Variants in SEMA3A observed in about 807,000 individuals in gnomAD.
SEMA3A encodes the protein semaphorin 3A, also known as semaphorin-3A.
A neutral mutation model predicts 97.9 loss-of-function variants in SEMA3A; 29 were observed. The observed-to-expected ratio is 0.30, with a 90% CI of 0.22 to 0.40. SEMA3A has a LOEUF of 0.40. Ranked by LOEUF, SEMA3A falls within the 10% of genes least tolerant of loss-of-function variation. The pLI, the probability that SEMA3A is intolerant of heterozygous loss-of-function variation, is 1.00. For missense variants in SEMA3A, 763 were observed against 951.3 expected (o/e 0.80, Z 2.60); for synonymous variants, 321 against 323.7 (o/e 0.99, Z 0.09).
chr7:84,467,659 G>A (rs145587675), intron 1 of SEMA3A, among the ~76,000 whole-genome samples: 156 of 150,740 alleles, frequency 1.0e-3, no homozygotes, highest in Middle Eastern at 3.5e-3. Context: ...CTATTTTCCC[G>A]TTTTCAATGC....
At chr7:84,118,868 G>A (rs1339077891) in intron 3 of SEMA3A, among the ~76,000 whole-genome samples, 1 of 151,522 alleles carries the variant, frequency 6.6e-6, no homozygotes, top group Non-Finnish European at 1.5e-5. Flanking sequence ...ATTGTATAAG[G>A]TCTAATTCCC....
chr7:84,018,655 C>T (rs976018056), intron 6 of SEMA3A, among the ~76,000 whole-genome samples: 2 of 152,106 alleles, frequency 1.3e-5, no homozygotes, highest in African/African-American at 4.8e-5. Flanking sequence ...AGAAACATCT[C>T]AGGTGAAGGA....
chr7:84,055,660 G>A (rs1462561013), intron 5 of SEMA3A, among the ~76,000 whole-genome samples: 5 of 152,140 alleles, frequency 3.3e-5, no homozygotes, highest in Non-Finnish European at 5.9e-5. Context: ...GAAATCACCC[G>A]TCTTCTGCGT....
chr7:83,988,400 TG>T (rs982617160), intron 12 of SEMA3A, among the ~76,000 whole-genome samples: 19 of 152,068 alleles, frequency 1.2e-4, no homozygotes, highest in African/African-American at 4.3e-4. Context: ...CTAATTTTTT[TG>T]TATTTTTAGT....
intron 3 of SEMA3A, among the ~76,000 whole-genome samples, chr7:84,276,457 T>C (rs1800299776): frequency 6.6e-6 from 1 of 152,076 alleles, no homozygotes. Context: ...GTTAATTAAG[T>C]CTTTGATGGC....
chr7:84,402,203 T>C lies in SEMA3A; in HGVS notation c.-245-30303A>G, dbSNP rs1307281129. On this transcript the variant is annotated intron_variant, in intron 1 of 3. Transcript: ENST00000424555. ...AATTTAAAAATAAAAAAGGCCTGGA[T>C]AGACATTTCTTAAAATCGACACCAC... 2.6e-5 allele frequency among the ~76,000 whole-genome samples: 4 copies of C among 152,202 alleles called. No individual in the cohort carries two copies. In the East Asian group the frequency reaches 5.8e-4, roughly 22 times the overall value.
rs1323227641 is a variant in SEMA3A at position 84,010,717 on chromosome 7, TATA to T, written c.995+302_995+304del. Among the ~76,000 whole-genome samples, 11 of 118,220 alleles carry T rather than the reference TATA, an allele frequency of 9.3e-5. No homozygotes were observed. In the South Asian group the frequency reaches 2.1e-3, roughly 23 times the overall value. The allele number at this position is 118,220 out of a possible 152,430, so 77.6% of individuals were successfully genotyped here. On this transcript the variant is annotated intron_variant, in intron 9 of 16. Transcript: ENST00000265362. ...TTCCCAAAACTCAGACTTCCATCTG[TATA>T]ATATTTTACATTATTATAATAATGT...
rs1482502107 is a variant in SEMA3A at position 84,121,926 on chromosome 7, A to C, written c.333+7197T>G. Among the ~76,000 whole-genome samples, 2 of 21,400 alleles carry C rather than the reference A, an allele frequency of 9.3e-5. 1 individual carries two copies. The highest frequency in any genetic ancestry group is 1.9e-4 in the Non-Finnish European group (2 of 10,612). 14.0% of individuals were successfully genotyped at this position (21,400 alleles called of 152,430 possible). The stretch of plus-strand genomic sequence containing the variant: ...AGTGCTGGGATTACAGGCGTGAGCC[A>C]CCGCGCCCGGCCGGTTCCAAGTCTT... On this transcript the variant is annotated intron_variant, in intron 3 of 16. Transcript: ENST00000265362.
intron 3 of SEMA3A, among the ~76,000 whole-genome samples, chr7:84,216,398 C>A (rs764461816): frequency 1.3e-5 from 2 of 152,170 alleles, no homozygotes; most frequent in African/African-American, 2.4e-5. Flanking sequence ...AGGTATGTCA[C>A]CTGGCCTCAG....
chr7:84,340,044 G>A (rs761080018), intron 2 of SEMA3A, among the ~76,000 whole-genome samples: 1 of 152,052 alleles, frequency 6.6e-6, no homozygotes, highest in Non-Finnish European at 1.5e-5. Flanking sequence ...ATGAATTTTA[G>A]CTTTGCCCAA....
chr7:84,194,421 AGG>A (rs67227861), intron 1 of SEMA3A, 52 bp downstream of exon 1: 91 of 1,138,250 alleles, frequency 8.0e-5, no homozygotes, highest in Non-Finnish European at 9.8e-5. Context: ...CAAGGAATTA[AGG>A]GGGGGGGCGG....
chr7:84,332,674 TACAC>T (rs3048014), intron 2 of SEMA3A, among the ~76,000 whole-genome samples: 40,879 of 149,882 alleles, frequency 0.27, 7,229 homozygotes, highest in African/African-American at 0.51. Context: ...TGTGTGTGTA[TACAC>T]ACACACACAC....
intron 1 of SEMA3A, among the ~76,000 whole-genome samples, chr7:84,436,143 A>T (rs867599286): frequency 6.6e-6 from 1 of 152,186 alleles, no homozygotes; most frequent in Middle Eastern, 3.4e-3. Context: ...GAATATTGAA[A>T]CTGGACCCCT....
In SEMA3A at chr7:84,174,253, A is replaced by T. The variant is rs900782895; in HGVS notation, c.112+20222T>A. Among the ~76,000 whole-genome samples, 20 of 152,294 alleles carry T rather than the reference A, an allele frequency of 1.3e-4. No individual in the cohort carries two copies. In the South Asian group the frequency reaches 3.1e-3, roughly 24 times the overall value. On this transcript the variant is annotated intron_variant, in intron 1 of 16. Coordinates refer to ENST00000265362, the MANE Select transcript of SEMA3A (RefSeq NM_006080.3). ...CTGTGGACAAATTATCTTCCATGAA[A>T]TGGGTCCCTGGTGCCAAAAAGGTTG...
rs1242428854 is a variant in SEMA3A, at chr7:84,329,921, C to T, written c.-168-22629G>A. On this transcript the variant is annotated intron_variant, in intron 2 of 3. Transcript: ENST00000424555. Reference sequence around the variant, plus strand: ...AAATTTTATGGTATTATTTTTCTGGCCAACTTAGGGCTTGTAACTGCTGGT... The same window carrying T: ...AAATTTTATGGTATTATTTTTCTGGTCAACTTAGGGCTTGTAACTGCTGGT... Among the ~76,000 whole-genome samples the T allele has an allele frequency of 3.3e-5, 5 of 151,852 alleles. No individual in the cohort carries two copies. In the East Asian group the frequency reaches 5.8e-4, roughly 18 times the overall value.
At chr7:84,186,416 A>C (rs926052852) in intron 1 of SEMA3A, among the ~76,000 whole-genome samples, 4 of 152,186 alleles carry the variant, frequency 2.6e-5, no homozygotes. Flanking sequence ...ACTTATGAAA[A>C]CGTACTTTCA....
intron 5 of SEMA3A, among the ~76,000 whole-genome samples, chr7:84,055,436 G>T (rs570223422): frequency 7.9e-5 from 12 of 152,110 alleles, no homozygotes; most frequent in Admixed American, 3.3e-4. Flanking sequence ...GTCGGAAAAG[G>T]GCAGTATTCG....
At chr7:84,024,863 G>T (rs964292610) in intron 6 of SEMA3A, among the ~76,000 whole-genome samples, 2 of 152,184 alleles carry the variant, frequency 1.3e-5, no homozygotes, top group Non-Finnish European at 2.9e-5. Context: ...CGAGGCAGGT[G>T]AATCACTTGA....
At chr7:84,334,165 T>C (rs17158882) in intron 2 of SEMA3A, among the ~76,000 whole-genome samples, 22,025 of 152,122 alleles carry the variant, frequency 0.14, 1,904 homozygotes, top group East Asian at 0.32. Flanking sequence ...AATCTCGGAA[T>C]TGATCTTTTT....
Sources: allele counts gnomAD v4.1 joint callset (sites outside exome capture counted in the v4.1 genomes callset), GRCh38; gene constraint gnomAD v4.1.1; transcripts MANE v1.5; gene names NCBI Gene and HGNC (gene_info 2026-07-23, HGNC 2026-07-21).